Variants in KCTD16 observed in about 807,000 individuals in gnomAD.
KCTD16 encodes the protein BTB/POZ domain-containing protein KCTD16.
A neutral mutation model predicts 33.2 loss-of-function variants in KCTD16; 13 were observed. The observed-to-expected ratio is 0.39, with a 90% CI of 0.25 to 0.62. KCTD16 has a LOEUF of 0.62. KCTD16 is among the 20% of genes least tolerant of loss of function. KCTD16 has a pLI of 0.50. For missense variants in KCTD16, 441 were observed against 525.1 expected, an observed-to-expected ratio of 0.84 and a Z score of 1.57; for synonymous variants, 197 against 195.3, an observed-to-expected ratio of 1.01 and a Z score of -0.07.
rs745350480 is a variant in KCTD16 at position 144,473,926 on chromosome 5, C to G, written c.1099C>G (p.Arg367Gly). The G allele has an allele frequency of 2.5e-6, 4 of 1,613,842 alleles. No individual in the cohort carries two copies. The Admixed American group carries it at 6.7e-5, about 27-fold the overall frequency. Residue 367 changes from arginine to glycine, a missense_variant, in exon 4 of 4, where the codon CGG (arginine) becomes GGG (glycine). Arg to Gly is a moderately radical substitution (Grantham distance 125). Transcript: ENST00000512467. ...GATGCGGCGGAAAAGCGACTTACTCCGGACTCTGACTTCAGGCTCCAGGGA... is the reference window on the plus strand; with the variant it reads ...GATGCGGCGGAAAAGCGACTTACTCGGGACTCTGACTTCAGGCTCCAGGGA... Reference protein sequence around the residue: ...SEMRRKSDLLRTLTSGSRESN... With the variant: ...SEMRRKSDLLGTLTSGSRESN...
At chr5:144,423,022 T>C (rs1753245230) in intron 3 of KCTD16, among the ~76,000 whole-genome samples, 1 of 152,136 alleles carries the variant, frequency 6.6e-6, no homozygotes. Flanking sequence ...CTGTGACATT[T>C]GAGTCACTTG....
chr5:144,461,058 T>C lies in KCTD16; in HGVS notation c.833-12602T>C, dbSNP rs924783656. The stretch of plus-strand genomic sequence containing the variant: ...GGAACTTAAATAACTTATAGTGTAA[T>C]GAAAGTCAAGATTAGCACAAGAATA... On this transcript the variant is annotated intron_variant, in intron 3 of 3. Transcript: ENST00000512467. Among the ~76,000 whole-genome samples the C allele has an allele frequency of 3.9e-5, 6 of 152,308 alleles. 1 individual carries two copies. The East Asian group carries it at 1.2e-3, about 29-fold the overall frequency.
intron 3 of KCTD16, among the ~76,000 whole-genome samples, chr5:144,209,861 CAT>C (rs1023447364): frequency 7.0e-4 from 99 of 142,440 alleles, no homozygotes; most frequent in African/African-American, 2.2e-3. Flanking sequence ...TATATATACA[CAT>C]ATATATGTGT....
intron 3 of KCTD16, among the ~76,000 whole-genome samples, chr5:144,311,207 A>G (rs896735607): frequency 2.6e-5 from 4 of 152,210 alleles, no homozygotes; most frequent in African/African-American, 9.6e-5. Flanking sequence ...TGGGTGCAGC[A>G]AACTAACAGG....
At chr5:144,220,794 AGCC>A (rs1753723255) in intron 3 of KCTD16, among the ~76,000 whole-genome samples, 1 of 152,092 alleles carries the variant, frequency 6.6e-6, no homozygotes, top group Non-Finnish European at 1.5e-5. Context: ...ATAAAAAATT[AGCC>A]GGGCGTGGTG....
At chr5:144,325,091 A>T (rs988180686) in intron 3 of KCTD16, among the ~76,000 whole-genome samples, 1 of 152,198 alleles carries the variant, frequency 6.6e-6, no homozygotes, top group Admixed American at 6.5e-5. Context: ...AAAATAAAAT[A>T]AAAAAGACTG....
chr5:144,172,852 T>C (rs369399839), intron 1 of KCTD16, among the ~76,000 whole-genome samples: 1 of 152,344 alleles, frequency 6.6e-6, no homozygotes, highest in African/African-American at 2.4e-5. Context: ...ATTTAATTAA[T>C]CTTATGGTTA....
intron 3 of KCTD16, among the ~76,000 whole-genome samples, chr5:144,454,003 G>A (rs1043151503): frequency 2.6e-5 from 4 of 152,066 alleles, no homozygotes; most frequent in African/African-American, 9.7e-5. Flanking sequence ...AAAAGATAAG[G>A]GATGGAATAA....
chr5:144,471,390 C>T (rs1380335793), intron 3 of KCTD16, among the ~76,000 whole-genome samples: 3 of 152,142 alleles, frequency 2.0e-5, no homozygotes, highest in African/African-American at 4.8e-5. Flanking sequence ...ATAGGTGTAT[C>T]CCAGCATATA....
chr5:144,372,671 G>A, intron 3 of KCTD16, among the ~76,000 whole-genome samples: 1 of 152,206 alleles, frequency 6.6e-6, no homozygotes, highest in East Asian at 1.9e-4. Context: ...GGACATGCCA[G>A]GCAGAGAAAC....
At chr5:144,292,885 A>G (rs1755931901) in intron 3 of KCTD16, among the ~76,000 whole-genome samples, 2 of 152,176 alleles carry the variant, frequency 1.3e-5, no homozygotes, top group South Asian at 4.1e-4. Context: ...CACATGTTTT[A>G]GAAGAGAGTT....
At position 144,188,121 on chromosome 5, in the gene KCTD16, G is replaced by C. The variant is rs571375283; in HGVS notation, c.-327+13649G>C. On this transcript the variant is annotated intron_variant, in intron 2 of 3. Coordinates refer to ENST00000512467, the MANE Select transcript of KCTD16 (RefSeq NM_020768.4). Reference sequence around the variant, plus strand: ...TCTTGCTTCTTATCACAACAGCAAGGCTTCTTTGATGGGGTTGAGTCTAGG... The same window carrying C: ...TCTTGCTTCTTATCACAACAGCAAGCCTTCTTTGATGGGGTTGAGTCTAGG... Among the ~76,000 whole-genome samples the C allele has an allele frequency of 7.2e-5, 11 of 152,264 alleles. No homozygotes were observed. In the South Asian group the frequency reaches 2.1e-3, roughly 29 times the overall value.
chr5:144,407,944 T>C (rs750281736), intron 3 of KCTD16, among the ~76,000 whole-genome samples: 1 of 152,248 alleles, frequency 6.6e-6, no homozygotes, highest in Non-Finnish European at 1.5e-5. Context: ...CAGTCTATCA[T>C]TGATAGGCAT....
At chr5:144,327,463 C>T (rs192547099) in intron 3 of KCTD16, among the ~76,000 whole-genome samples, 2 of 152,174 alleles carry the variant, frequency 1.3e-5, no homozygotes, top group Admixed American at 6.5e-5. Flanking sequence ...ACCCTTCTTC[C>T]TGTTTCCATG....
At chr5:144,384,896 A>G (rs1268532575) in intron 3 of KCTD16, among the ~76,000 whole-genome samples, 3 of 152,228 alleles carry the variant, frequency 2.0e-5, no homozygotes, top group Non-Finnish European at 2.9e-5. Context: ...GGAAGAGTCA[A>G]TATAATCTGT....
intron 3 of KCTD16, among the ~76,000 whole-genome samples, chr5:144,290,809 A>G (rs1755876695): frequency 6.6e-6 from 1 of 152,232 alleles, no homozygotes; most frequent in Admixed American, 6.5e-5. Context: ...GGATCATTCC[A>G]TGCAGCATCC....
chr5:144,374,264 A>G (rs1752037222), intron 3 of KCTD16, among the ~76,000 whole-genome samples: 1 of 152,220 alleles, frequency 6.6e-6, no homozygotes, highest in Non-Finnish European at 1.5e-5. Context: ...TAGAAGCACC[A>G]TCTAAACTGG....
At position 144,267,289 on chromosome 5, in the gene KCTD16, A is replaced by G. The variant is rs535126422; in HGVS notation, c.832+59743A>G. Among the ~76,000 whole-genome samples the G allele has an allele frequency of 1.2e-3, 183 of 152,280 alleles. 1 individual carries two copies. The highest frequency in any genetic ancestry group is 4.2e-3 in the African/African-American group (175 of 41,570). ...TTGAGCACCTTCCTTAACTTTCTGT[A>G]CCTCAGTTTCCTTGCTTATTAACTG... On this transcript the variant is annotated intron_variant, in intron 3 of 3. Coordinates refer to ENST00000512467, the MANE Select transcript of KCTD16 (RefSeq NM_020768.4).
chr5:144,389,706 C>G (rs1461427147), intron 3 of KCTD16, among the ~76,000 whole-genome samples: 2 of 152,074 alleles, frequency 1.3e-5, no homozygotes, highest in Non-Finnish European at 2.9e-5. Flanking sequence ...AACCAGTCCC[C>G]TGTGCCAAAA....
Sources: gnomAD v4.1 joint callset for allele counts (sites outside exome capture counted in the v4.1 genomes callset) on GRCh38, gnomAD v4.1.1 for gene constraint, MANE v1.5 for transcripts, NCBI Gene and HGNC (gene_info 2026-07-23, HGNC 2026-07-21) for gene names.